Variants in NCEH1 observed in about 807,000 individuals in gnomAD.
NCEH1 encodes neutral cholesterol ester hydrolase 1.
Under a neutral mutation model 25.4 loss-of-function variants are expected in NCEH1, and 9 were observed. That is an observed-to-expected ratio of 0.35 (90% CI 0.21 to 0.62). NCEH1 has a LOEUF of 0.62. NCEH1 is among the 20% of genes least tolerant of loss of function. The probability of loss-of-function intolerance (pLI) is 0.72; values close to 1 mark genes in which losing one functional copy is unlikely to be tolerated. For synonymous variants in NCEH1, 200 were observed against 199.8 expected (o/e 1.00, Z -0.01); for missense variants, 412 against 501.1 (o/e 0.82, Z 1.70).
chr3:172,692,538 AT>A (rs1368296827), intron 1 of NCEH1, among the ~76,000 whole-genome samples: 1 of 128,534 alleles, frequency 7.8e-6, no homozygotes, highest in Non-Finnish European at 1.6e-5. Flanking sequence ...TTTTTTTTTA[AT>A]TTTTTTGTAG....
intron 3 of NCEH1, among the ~76,000 whole-genome samples, chr3:172,642,154 C>T (rs1375040147): frequency 6.6e-6 from 1 of 151,924 alleles, no homozygotes; most frequent in Non-Finnish European, 1.5e-5. Flanking sequence ...CCGCTCTGAA[C>T]TGCTTTTTTT....
chr3:172,686,473 T>C (rs1712701798), intron 1 of NCEH1, among the ~76,000 whole-genome samples: 3 of 152,364 alleles, frequency 2.0e-5, no homozygotes, highest in African/African-American at 7.2e-5. Flanking sequence ...GGTGGATGCT[T>C]GCTCTTATTT....
At chr3:172,657,285 C>T (rs964828759) in intron 1 of NCEH1, among the ~76,000 whole-genome samples, 2 of 152,134 alleles carry the variant, frequency 1.3e-5, no homozygotes, top group African/African-American at 4.8e-5. Flanking sequence ...TACATATTTC[C>T]AAACATCTCC....
chr3:172,701,616 G>GT (rs60219751), intron 1 of NCEH1, among the ~76,000 whole-genome samples: 1,677 of 110,700 alleles, frequency 0.015, 42 homozygotes, highest in South Asian at 0.055. Context: ...TGCCCAGCTA[G>GT]TTTTTTTTTT....
At chr3:172,710,477 G>C (rs968553219) in intron 1 of NCEH1, among the ~76,000 whole-genome samples, 2 of 152,150 alleles carry the variant, frequency 1.3e-5, no homozygotes, top group Non-Finnish European at 1.5e-5. Context: ...TCCTCTGCCG[G>C]TCCCTATGGG....
chr3:172,641,030 A>G (rs1716825298), intron 3 of NCEH1, among the ~76,000 whole-genome samples: 1 of 152,094 alleles, frequency 6.6e-6, no homozygotes, highest in South Asian at 2.1e-4. Context: ...AGGAATGTGG[A>G]TGGATGACTG....
In NCEH1 at chr3:172,648,110, T is replaced by C; in HGVS notation, c.143A>G (p.Asn48Ser). 6.2e-7 allele frequency: 1 copy of C among 1,614,058 alleles called. No homozygotes were observed. Among genetic ancestry groups the C allele is most frequent in the Non-Finnish European group, 8.5e-7 (1 of 1,180,014 alleles). ...GCTCAGTCCCAGGTAGTGGATCAGGTTACTCTGCAGGGCGAGGGAGGAAAT... is the reference window on the plus strand; with the variant it reads ...GCTCAGTCCCAGGTAGTGGATCAGGCTACTCTGCAGGGCGAGGGAGGAAAT... The part of the protein sequence containing the change: ...ATFRGAQQVS[N>S]LIHYLGLSHH... The change falls in exon 2 of 5, where the codon AAC (asparagine) becomes AGC (serine). Residue 48 changes from asparagine (N) to serine (S), a missense_variant. Physicochemically the swap from Asn to Ser is conservative, Grantham distance 46. Coordinates refer to ENST00000475381, the MANE Select transcript of NCEH1 (RefSeq NM_020792.6).
chr3:172,672,526 T>A (rs1417033205), intron 1 of NCEH1, among the ~76,000 whole-genome samples: 1 of 151,944 alleles, frequency 6.6e-6, no homozygotes, highest in Non-Finnish European at 1.5e-5. Context: ...CTTCCTTTTA[T>A]CCCCTGATTC....
At chr3:172,706,689 C>T (rs776480660) in intron 1 of NCEH1, among the ~76,000 whole-genome samples, 12 of 151,836 alleles carry the variant, frequency 7.9e-5, no homozygotes, top group South Asian at 6.2e-4. Context: ...TTAGTAGAGA[C>T]GGGGTTTCAC....
chr3:172,673,804 T>C (rs1399271590), intron 1 of NCEH1, among the ~76,000 whole-genome samples: 5 of 152,164 alleles, frequency 3.3e-5, no homozygotes, highest in Non-Finnish European at 7.4e-5. Flanking sequence ...AACCTCAGTA[T>C]TCCTCTGCAG....
intron 1 of NCEH1, among the ~76,000 whole-genome samples, chr3:172,658,704 G>C (rs1353936266): frequency 6.6e-6 from 1 of 152,058 alleles, no homozygotes; most frequent in Non-Finnish European, 1.5e-5. Flanking sequence ...AAATAAAAGA[G>C]CTCACAGACG....
intron 1 of NCEH1, among the ~76,000 whole-genome samples, chr3:172,655,337 G>A (rs544367193): frequency 4.5e-4 from 68 of 152,324 alleles, no homozygotes; most frequent in African/African-American, 1.6e-3. Context: ...TACTCATTAC[G>A]CCTCAGTGGA....
chr3:172,649,825 T>C (rs991167971), intron 1 of NCEH1, among the ~76,000 whole-genome samples: 2 of 152,232 alleles, frequency 1.3e-5, no homozygotes, highest in Non-Finnish European at 2.9e-5. Flanking sequence ...CACGAAACGA[T>C]GAAATATGAA....
intron 1 of NCEH1, among the ~76,000 whole-genome samples, chr3:172,700,393 C>T (rs577888833): frequency 6.2e-4 from 95 of 152,250 alleles, no homozygotes; most frequent in Non-Finnish European, 1.0e-3. Flanking sequence ...AAAAAATTCA[C>T]TAGTGACTAA....
Position 172,647,889 on chromosome 3 carries a change from C to A in NCEH1, c.364G>T (p.Ala122Ser). The change falls in exon 2 of 5, where the codon GCA becomes TCA. Residue 122 changes from alanine (A) to serine (S), a missense_variant. Coordinates refer to ENST00000475381, the MANE Select transcript of NCEH1 (RefSeq NM_020792.6). ...IHGGGWALAS[A>S]KIRYYDELCT... Reference sequence around the variant, plus strand: ...TCTGAAGGTGACCAGGACGCACTTGCACTTGCCAAGGCCCAGCCTCCTCCG... The same window carrying A: ...TCTGAAGGTGACCAGGACGCACTTGAACTTGCCAAGGCCCAGCCTCCTCCG... 1 of 1,614,154 alleles carries A rather than the reference C, an allele frequency of 6.2e-7. No homozygotes were observed. The highest frequency in any genetic ancestry group is 2.2e-5 in the East Asian group (1 of 44,880).
At chr3:172,705,961 G>A (rs1285032287) in intron 1 of NCEH1, among the ~76,000 whole-genome samples, 2 of 141,186 alleles carry the variant, frequency 1.4e-5, no homozygotes, top group Non-Finnish European at 3.0e-5. Flanking sequence ...TCACGCCACT[G>A]CACTCCAGCC....
At chr3:172,660,310 AT>A (rs1053830968) in intron 1 of NCEH1, among the ~76,000 whole-genome samples, 2 of 151,960 alleles carry the variant, frequency 1.3e-5, no homozygotes, top group Non-Finnish European at 2.9e-5. Flanking sequence ...TGAACTCATC[AT>A]TTTTTATGGC....
intron 3 of NCEH1, among the ~76,000 whole-genome samples, chr3:172,641,108 T>C (rs1261126387): frequency 6.6e-6 from 1 of 152,022 alleles, no homozygotes; most frequent in African/African-American, 2.4e-5. Flanking sequence ...CAAAAATAAA[T>C]AAATAAAAAA....
rs10701435 is a variant in NCEH1 at position 172,701,449 on chromosome 3, C to CTTTTTTTTTTTTTTTTTTTT, written c.138+9397_138+9398insAAAAAAAAAAAAAAAAAAAA. The stretch of plus-strand genomic sequence containing the variant: ...TAGTGCTTCCTAGATGGTCTTTTGC[C>CTTTTTTTTTTTTTTTTTTTT]TTTTTTTTTTTTTTTTTAAAGACGG... On this transcript the variant is annotated intron_variant, in intron 1 of 4. Transcript: ENST00000475381. 2.9e-4 allele frequency among the ~76,000 whole-genome samples: 32 copies of CTTTTTTTTTTTTTTTTTTTT among 110,928 alleles called. 2 individuals are homozygous for CTTTTTTTTTTTTTTTTTTTT. Among genetic ancestry groups the CTTTTTTTTTTTTTTTTTTTT allele is most frequent in the African/African-American group, 1.3e-3 (32 of 24,198 alleles). 72.8% of individuals were successfully genotyped at this position (110,928 alleles called of 152,430 possible). A position where few individuals can be genotyped will look rare whatever the true frequency, so the allele number is the denominator to read the frequency against.
Sources: allele counts gnomAD v4.1 joint callset (sites outside exome capture counted in the v4.1 genomes callset), GRCh38; gene constraint gnomAD v4.1.1; transcripts MANE v1.5; gene names NCBI Gene and HGNC (gene_info 2026-07-23, HGNC 2026-07-21).